Variants in BTRC observed in about 807,000 individuals in gnomAD.
BTRC encodes the protein beta-transducin repeat containing E3 ubiquitin protein ligase, also known as F-box/WD repeat-containing protein 1A.
A neutral mutation model predicts 85.5 loss-of-function variants in BTRC; 42 were observed. That is an observed-to-expected ratio of 0.49 (90% CI 0.38 to 0.64). The LOEUF (loss-of-function observed/expected upper bound fraction) is 0.64. BTRC is among the 30% of genes least tolerant of loss of function. The probability of loss-of-function intolerance (pLI) is 0.00; values close to 1 mark genes in which losing one functional copy is unlikely to be tolerated. For synonymous variants in BTRC, 255 were observed against 263.3 expected (o/e 0.97, Z 0.30); for missense variants, 594 against 743.5 (o/e 0.80, Z 2.34).
chr10:101,539,305 G>A (rs1301634287), intron 13 of BTRC, among the ~76,000 whole-genome samples: 1 of 152,206 alleles, frequency 6.6e-6, no homozygotes, highest in East Asian at 1.9e-4. Context: ...GCAACAGGGT[G>A]GACAGACACC....
At chr10:101,396,687 C>T (rs930064720) in intron 1 of BTRC, among the ~76,000 whole-genome samples, 2 of 152,020 alleles carry the variant, frequency 1.3e-5, no homozygotes, top group African/African-American at 4.8e-5. Context: ...TCTGTGGAAA[C>T]ATCAGTCACT....
chr10:101,518,295 G>T (rs2062052758), intron 4 of BTRC, among the ~76,000 whole-genome samples: 1 of 152,150 alleles, frequency 6.6e-6, no homozygotes, highest in Non-Finnish European at 1.5e-5. Flanking sequence ...TTTAAACGGT[G>T]TCAGATTGTG....
intron 13 of BTRC, among the ~76,000 whole-genome samples, chr10:101,542,283 T>A (rs1414664628): frequency 2.6e-5 from 4 of 152,088 alleles, no homozygotes; most frequent in African/African-American, 9.7e-5. Flanking sequence ...ATTGATTTTT[T>A]TTTTTTATTT....
intron 1 of BTRC, among the ~76,000 whole-genome samples, chr10:101,386,005 G>C (rs1317128130): frequency 3.3e-5 from 5 of 152,094 alleles, no homozygotes; most frequent in African/African-American, 4.8e-5. Context: ...TTGCCTAGTA[G>C]TGTCAGGAAA....
intron 1 of BTRC, among the ~76,000 whole-genome samples, chr10:101,387,590 G>A (rs556074741): frequency 2.5e-4 from 33 of 132,316 alleles, no homozygotes; most frequent in African/African-American, 9.1e-4. Context: ...GCAATGGTGC[G>A]ATCTTGGCTC....
rs2062389426 is a variant in BTRC, at chr10:101,536,553, A to G, written c.1477A>G (p.Ile493Val). 1 of 1,612,502 alleles carries G rather than the reference A, an allele frequency of 6.2e-7. No individual in the cohort carries two copies. The highest frequency in any genetic ancestry group is 8.5e-7 in the Non-Finnish European group (1 of 1,178,586). The change falls in exon 12 of 15, where the codon ATA (isoleucine) becomes GTA (valine). Residue 493 changes from isoleucine (I) to valine (V), a missense_variant. By Grantham distance (29) the Ile-to-Val change is conservative (BLOSUM62 3). Transcript: ENST00000370187. ...SSDNTIRLWD[I>V]ECGACLRVLE... is the part of the protein sequence containing the mutation. ...AATTTTCTCTTCCAGATTATGGGACATAGAATGTGGTGCATGTTTACGAGT... is the reference window on the plus strand; with the variant it reads ...AATTTTCTCTTCCAGATTATGGGACGTAGAATGTGGTGCATGTTTACGAGT...
At chr10:101,397,208 A>T (rs538305139) in intron 1 of BTRC, among the ~76,000 whole-genome samples, 1 of 152,356 alleles carries the variant, frequency 6.6e-6, no homozygotes, top group East Asian at 1.9e-4. Context: ...CCTTAAGAAT[A>T]CAATCCTAAA....
At chr10:101,409,803 GT>G (rs1281460248) in intron 1 of BTRC, among the ~76,000 whole-genome samples, 2 of 152,146 alleles carry the variant, frequency 1.3e-5, no homozygotes, top group African/African-American at 2.4e-5. Flanking sequence ...TTGTTTATCT[GT>G]TTATTCGTTG....
At position 101,533,004 on chromosome 10, in the gene BTRC, G is replaced by T; in HGVS notation, c.1031G>T (p.Gly344Val). The T allele has an allele frequency of 1.2e-6, 2 of 1,613,502 alleles. No individual in the cohort carries two copies. Among genetic ancestry groups the T allele is most frequent in the Non-Finnish European group, 8.5e-7 (1 of 1,179,796 alleles). The stretch of plus-strand genomic sequence containing the variant: ...AAGCGAATTCTCACAGGCCATACAG[G>T]TTCAGTCCTCTGTCTCCAGTATGAT... ...ECKRILTGHT[G>V]SVLCLQYDER... is the part of the protein sequence containing the mutation. The change falls in exon 9 of 15, where the codon GGT becomes GTT. Residue 344 changes from glycine to valine, a missense_variant. Physicochemically the swap from Gly to Val is moderately radical, Grantham distance 109. Coordinates refer to ENST00000370187, the MANE Select transcript of BTRC (RefSeq NM_033637.4).
intron 6 of BTRC, among the ~76,000 whole-genome samples, chr10:101,527,737 G>C (rs2062213730): frequency 6.6e-6 from 1 of 151,244 alleles, no homozygotes. Flanking sequence ...CTGGGCAACA[G>C]AGCAAGACCC....
intron 1 of BTRC, among the ~76,000 whole-genome samples, chr10:101,360,976 TTTA>T (rs1329285848): frequency 6.6e-6 from 1 of 152,102 alleles, no homozygotes; most frequent in African/African-American, 2.4e-5. Flanking sequence ...TGGCTATATT[TTTA>T]TTTTTTTGTA....
chr10:101,460,747 C>G (rs1237512524), intron 2 of BTRC, among the ~76,000 whole-genome samples: 2 of 152,118 alleles, frequency 1.3e-5, no homozygotes, highest in African/African-American at 4.8e-5. Flanking sequence ...AGGTTTAGAA[C>G]ACAGTAATGA....
chr10:101,479,455 AAAGT>A lies in BTRC; in HGVS notation c.324+5_324+8del. The A allele has an allele frequency of 3.1e-6, 5 of 1,611,344 alleles. No homozygotes were observed. The highest frequency in any genetic ancestry group is 3.4e-6 in the Non-Finnish European group (4 of 1,177,780). Reference sequence around the variant, plus strand: ...TATGAAGACTGAGAATTGTGTGGCCAAAGTAAGTAATATTGCTCATCAATGTATA... The same window carrying A: ...TATGAAGACTGAGAATTGTGTGGCCAAAGTAATATTGCTCATCAATGTATA... On this transcript the variant is annotated splice_donor_variant and coding_sequence_variant, in exon 4 of 15. Transcript: ENST00000370187. LOFTEE classifies it high-confidence loss of function.
At chr10:101,470,146 T>C (rs2134194415) in intron 3 of BTRC, among the ~76,000 whole-genome samples, 1 of 152,312 alleles carries the variant, frequency 6.6e-6, no homozygotes, top group South Asian at 2.1e-4. Context: ...TTTTTAAAAA[T>C]TGCATTGTTT....
At chr10:101,446,830 T>G (rs1944838625) in intron 2 of BTRC, among the ~76,000 whole-genome samples, 1 of 152,200 alleles carries the variant, frequency 6.6e-6, no homozygotes. Flanking sequence ...GTAGTTCTTA[T>G]GTTTCTTCCC....
At chr10:101,416,788 G>A (rs1943957301) in intron 1 of BTRC, among the ~76,000 whole-genome samples, 1 of 152,046 alleles carries the variant, frequency 6.6e-6, no homozygotes, top group Admixed American at 6.6e-5. Context: ...TAGGATCTTT[G>A]CCCCTAAAGT....
intron 5 of BTRC, among the ~76,000 whole-genome samples, chr10:101,523,389 CAAG>C: frequency 6.6e-6 from 1 of 151,954 alleles, no homozygotes; most frequent in South Asian, 2.1e-4. Flanking sequence ...TAAGGGCAGA[CAAG>C]AACACTGCCA....
intron 1 of BTRC, among the ~76,000 whole-genome samples, chr10:101,373,924 AAAAC>A (rs1367361138): frequency 6.7e-6 from 1 of 150,048 alleles, no homozygotes; most frequent in Non-Finnish European, 1.5e-5. Context: ...TCTCCAAAAC[AAAAC>A]AAACAAGACA....
At chr10:101,365,977 GA>G (rs2134500759) in intron 1 of BTRC, among the ~76,000 whole-genome samples, 1 of 152,220 alleles carries the variant, frequency 6.6e-6, no homozygotes, top group South Asian at 2.1e-4. Flanking sequence ...TTCTTAACCA[GA>G]AAATCAGCTA....
Sources: gnomAD v4.1 joint callset for allele counts (sites outside exome capture counted in the v4.1 genomes callset) on GRCh38, gnomAD v4.1.1 for gene constraint, MANE v1.5 for transcripts, NCBI Gene and HGNC (gene_info 2026-07-23, HGNC 2026-07-21) for gene names.